The following PXK variants were observed in gnomAD, a reference collection of about 807,000 sequenced individuals.
PXK encodes PX domain-containing protein kinase-like protein.
Under a neutral mutation model 84.7 loss-of-function variants are expected in PXK, and 35 were observed. The observed-to-expected ratio is 0.41, with a 90% CI of 0.32 to 0.55. The LOEUF is 0.55. PXK is among the 20% of genes least tolerant of loss of function. The probability of loss-of-function intolerance (pLI) is 0.21; values close to 1 mark genes in which losing one functional copy is unlikely to be tolerated. For missense variants in PXK, 634 were observed against 699.7 expected, an observed-to-expected ratio of 0.91 and a Z score of 1.06; for synonymous variants, 253 against 260.8, an observed-to-expected ratio of 0.97 and a Z score of 0.29.
Position 58,401,693 on chromosome 3 carries a change from A to G in PXK, c.1182-2169A>G, listed in dbSNP as rs1480459632. 6.6e-6 allele frequency among the ~76,000 whole-genome samples: 1 copy of G among 151,388 alleles called. No homozygotes were observed. Among genetic ancestry groups the G allele is most frequent in the Admixed American group, 6.6e-5 (1 of 15,214 alleles). ...TGTAATCCCAGCACTTTAGGAGGCC[A>G]AGGCAGGTGGATCACAAGGTCAGGA... On this transcript the variant is annotated intron_variant, in intron 12 of 17. Transcript: ENST00000356151. This position sits in a 1 kb window ranked among gnomAD's most constrained non-coding sequence, Gnocchi z 4.4.
At chr3:58,423,559 T>TA (rs2062291461) in intron 17 of PXK, 8 of 1,522,232 alleles carry the variant, frequency 5.3e-6, no homozygotes, top group Admixed American at 4.0e-5. Context: ...AGGATGTACT[T>TA]ACCTGAGTAT....
At chr3:58,418,462 T>C (rs1307192148) in intron 17 of PXK, among the ~76,000 whole-genome samples, 1 of 152,210 alleles carries the variant, frequency 6.6e-6, no homozygotes, top group African/African-American at 2.4e-5. Flanking sequence ...GTGCCTGCTT[T>C]CTTCAGGGTG....
intron 17 of PXK, chr3:58,423,336 T>C (rs12631656): frequency 0.26 from 380,171 of 1,454,916 alleles, 59,310 homozygotes; most frequent in East Asian, 0.79. Flanking sequence ...TCAGTTGTTA[T>C]TGTGTAGAAC....
At position 58,400,838 on chromosome 3, in the gene PXK, C is replaced by G. The variant is rs2058450720; in HGVS notation, c.1181+1461C>G. On this transcript the variant is annotated intron_variant, in intron 12 of 17. Coordinates refer to ENST00000356151, the MANE Select transcript of PXK (RefSeq NM_017771.5). This position sits in a 1 kb window ranked among gnomAD's most constrained non-coding sequence, Gnocchi z 4.0. ...GGCTGAGGCAGAAGAATCACTTGAA[C>G]TGGGGAGGCAGAGGTTGCAGTGAGC... Among the ~76,000 whole-genome samples, 2 of 152,140 alleles carry G rather than the reference C, an allele frequency of 1.3e-5. No individual in the cohort carries two copies. Among genetic ancestry groups the G allele is most frequent in the African/African-American group, 2.4e-5 (1 of 41,428 alleles).
At chr3:58,405,742 C>T (rs1371072823) in intron 13 of PXK, among the ~76,000 whole-genome samples, 2 of 149,718 alleles carry the variant, frequency 1.3e-5, no homozygotes, top group African/African-American at 2.5e-5. Flanking sequence ...CATGCCGGTA[C>T]ACTCCAGCCT....
At position 58,424,948 on chromosome 3, in the gene PXK, G is replaced by A. The variant is rs549513963; in HGVS notation, c.1725G>A (p.Pro575=). ...CCAAAACCTGTGATCACAGTGCTCC[G>A]AAGATCGGCTGAAGCTTCCTGTTTA... The part of the protein sequence containing the change: ...RKAKTCDHSA[P]KIG The change falls in exon 18 of 18, where the codon CCG becomes CCA. Residue 575 remains proline, a synonymous_variant. Transcript: ENST00000356151. 18 of 1,614,030 alleles carry A rather than the reference G, an allele frequency of 1.1e-5. No homozygotes were observed. The highest frequency in any genetic ancestry group is 1.6e-4 in the Middle Eastern group (1 of 6,062).
intron 13 of PXK, among the ~76,000 whole-genome samples, chr3:58,404,485 G>A (rs60962024): frequency 0.76 from 114,843 of 152,034 alleles, 43,601 homozygotes; most frequent in South Asian, 0.82. Context: ...ACAACCAAAA[G>A]TGTCTCCAGA....
intron 16 of PXK, 97 bp downstream of exon 16, chr3:58,410,256 C>G (rs1038020023): frequency 2.3e-6 from 2 of 858,624 alleles, no homozygotes; most frequent in African/African-American, 1.7e-5. Context: ...TGGCCAGAAA[C>G]TGGGCAATGT....
chr3:58,336,690 C>CATG (rs1044584705), intron 1 of PXK, among the ~76,000 whole-genome samples: 5 of 152,168 alleles, frequency 3.3e-5, no homozygotes, highest in Admixed American at 3.3e-4. Context: ...TAAAAAAATG[C>CATG]TTACATAGCT....
At chr3:58,358,412 G>A (rs952210412) in intron 1 of PXK, among the ~76,000 whole-genome samples, 4 of 152,294 alleles carry the variant, frequency 2.6e-5, no homozygotes, top group Non-Finnish European at 5.9e-5. Context: ...GGGGCTACCA[G>A]TAACTAAGCG....
Position 58,332,916 on chromosome 3 carries a change from G to A in PXK, c.-73G>A, listed in dbSNP as rs1043748234. 3.0e-6 allele frequency: 3 copies of A among 992,680 alleles called. No homozygotes were observed. Among genetic ancestry groups the A allele is most frequent in the African/African-American group, 1.7e-5 (1 of 57,438 alleles). 61.5% of individuals were successfully genotyped at this position (992,680 alleles called of 1,614,324 possible). A position where few individuals can be genotyped will look rare whatever the true frequency, so the allele number is the denominator to read the frequency against. On this transcript the variant is annotated 5_prime_UTR_variant, in exon 1 of 18. Coordinates refer to ENST00000356151, the MANE Select transcript of PXK (RefSeq NM_017771.5). This position sits in a 1 kb window ranked among gnomAD's most constrained non-coding sequence, Gnocchi z 5.6. ...TGTTGACAGCGGCGGCGGTGGAACC[G>A]GGCGGGCGGCGGGAGTCGGCGCCTC...
intron 13 of PXK, among the ~76,000 whole-genome samples, chr3:58,408,250 A>G (rs372163411): frequency 6.6e-5 from 10 of 152,308 alleles, no homozygotes; most frequent in African/African-American, 2.4e-4. Flanking sequence ...CCTGCATGTC[A>G]GTACCACACT....
chr3:58,371,723 A>C (rs1183965943), intron 3 of PXK, among the ~76,000 whole-genome samples: 4 of 152,062 alleles, frequency 2.6e-5, no homozygotes, highest in African/African-American at 9.7e-5. Context: ...CTTCAGTGTA[A>C]TTTTACCTTT....
rs1390435040 is a variant in PXK, at chr3:58,407,306, A to T, written c.1231-1618A>T. On this transcript the variant is annotated intron_variant, in intron 13 of 17. Coordinates refer to ENST00000356151, the MANE Select transcript of PXK (RefSeq NM_017771.5). The surrounding 1 kb of genome is among the most constrained non-coding windows in gnomAD (Gnocchi z 4.3). ...TGATTTACATTTCTCTAATGACTAAAGACATTGAGTGTCTTTTCATATGTT... is the reference window on the plus strand; with the variant it reads ...TGATTTACATTTCTCTAATGACTAATGACATTGAGTGTCTTTTCATATGTT... 6.6e-6 allele frequency among the ~76,000 whole-genome samples: 1 copy of T among 152,178 alleles called. No homozygotes were observed. Among genetic ancestry groups the T allele is most frequent in the African/African-American group, 2.4e-5 (1 of 41,442 alleles).
chr3:58,367,900 G>T (rs1205314761), intron 2 of PXK, among the ~76,000 whole-genome samples: 2 of 151,960 alleles, frequency 1.3e-5, no homozygotes, highest in Non-Finnish European at 1.5e-5. Context: ...GCCCAGGCTG[G>T]TCTGGAACTC....
chr3:58,401,473 T>C lies in PXK; in HGVS notation c.1181+2096T>C, dbSNP rs2058547331. Among the ~76,000 whole-genome samples, 1 of 151,770 alleles carries C rather than the reference T, an allele frequency of 6.6e-6. No individual in the cohort carries two copies. The highest frequency in any genetic ancestry group is 2.4e-5 in the African/African-American group (1 of 41,256). On this transcript the variant is annotated intron_variant, in intron 12 of 17. Coordinates refer to ENST00000356151, the MANE Select transcript of PXK (RefSeq NM_017771.5). The surrounding 1 kb of genome is among the most constrained non-coding windows in gnomAD (Gnocchi z 4.4). The stretch of plus-strand genomic sequence containing the variant: ...TACAAAAAATACAACAACAACAAAA[T>C]TAGCTAGGCGTGGTGGTGTGCACCA...
At chr3:58,403,478 C>T (rs1352237825) in intron 12 of PXK, among the ~76,000 whole-genome samples, 1 of 152,196 alleles carries the variant, frequency 6.6e-6, no homozygotes, top group East Asian at 1.9e-4. Flanking sequence ...TAAATTTTAT[C>T]CTCTTCTGAG....
chr3:58,406,241 G>A (rs1277694774), intron 13 of PXK, among the ~76,000 whole-genome samples: 1 of 151,894 alleles, frequency 6.6e-6, no homozygotes, highest in Non-Finnish European at 1.5e-5. Flanking sequence ...TTACAGGTGT[G>A]AGCCACTGCA....
chr3:58,394,452 C>T (rs192090320), intron 7 of PXK, among the ~76,000 whole-genome samples: 1 of 152,318 alleles, frequency 6.6e-6, no homozygotes, highest in Non-Finnish European at 1.5e-5. Context: ...ATGCCAGCTA[C>T]TGTGGAAAGG....
Sources: allele counts gnomAD v4.1 joint callset (sites outside exome capture counted in the v4.1 genomes callset), GRCh38; gene constraint gnomAD v4.1.1; non-coding constraint Gnocchi (gnomAD v3.1); transcripts MANE v1.5; gene names NCBI Gene and HGNC (gene_info 2026-07-23, HGNC 2026-07-21).